CSMD3: variants seen among roughly 807,000 people sequenced by gnomAD.
The protein encoded by CSMD3 is CUB and sushi domain-containing protein 3.
In CSMD3, 177 loss-of-function variants were observed where a neutral mutation model predicts 435.2. The observed-to-expected ratio is 0.41, with a 90% confidence interval of 0.36 to 0.46. The LOEUF (loss-of-function observed/expected upper bound fraction) is 0.46. Among genes scored for constraint, CSMD3 ranks in the 20% least tolerant of loss-of-function variants. CSMD3 has a pLI of 0.34. For missense variants in CSMD3, 4,265 were observed against 4,504.6 expected (o/e 0.95, Z 1.52); for synonymous variants, 1,656 against 1,520.5 (o/e 1.09, Z -2.07).
At chr8:112,706,804 T>C (rs2076507665) in intron 13 of CSMD3, among the ~76,000 whole-genome samples, 1 of 152,118 alleles carries the variant, frequency 6.6e-6, no homozygotes, top group African/African-American at 2.4e-5. Context: ...CTAAACTTGA[T>C]ATACAGTCAA....
intron 6 of CSMD3, among the ~76,000 whole-genome samples, chr8:112,989,453 A>G (rs2085370760): frequency 6.6e-6 from 1 of 152,062 alleles, no homozygotes; most frequent in Admixed American, 6.6e-5. Flanking sequence ...CATTCAATGA[A>G]TACTACATAC....
At chr8:113,043,823 A>G (rs2087722530) in intron 5 of CSMD3, among the ~76,000 whole-genome samples, 1 of 152,098 alleles carries the variant, frequency 6.6e-6, no homozygotes, top group Non-Finnish European at 1.5e-5. Flanking sequence ...GGAAAAAAAA[A>G]TGAAGAACTC....
At chr8:112,833,882 CA>C (rs1313854652) in intron 11 of CSMD3, among the ~76,000 whole-genome samples, 2 of 151,962 alleles carry the variant, frequency 1.3e-5, no homozygotes, top group African/African-American at 4.8e-5. Context: ...TTCATCACCC[CA>C]ACCTATTTCA....
intron 1 of CSMD3, among the ~76,000 whole-genome samples, chr8:113,333,461 A>C (rs1024054689): frequency 6.6e-6 from 1 of 151,876 alleles, no homozygotes; most frequent in African/African-American, 2.4e-5. Flanking sequence ...ATTATGTATC[A>C]GACTTAGGTC....
At chr8:113,037,118 C>T (rs1238828476) in intron 5 of CSMD3, among the ~76,000 whole-genome samples, 3 of 151,974 alleles carry the variant, frequency 2.0e-5, no homozygotes, top group East Asian at 1.9e-4. Flanking sequence ...GCAAATATTG[C>T]TATTTTATTG....
intron 11 of CSMD3, among the ~76,000 whole-genome samples, chr8:112,852,685 G>C (rs1256006549): frequency 6.6e-6 from 1 of 152,036 alleles, no homozygotes; most frequent in Non-Finnish European, 1.5e-5. Flanking sequence ...CACTTTGGGA[G>C]GCCGAGGTGG....
At chr8:112,717,032 C>T (rs1233914989) in intron 13 of CSMD3, among the ~76,000 whole-genome samples, 1 of 152,028 alleles carries the variant, frequency 6.6e-6, no homozygotes, top group African/African-American at 2.4e-5. Flanking sequence ...GATGAAAATA[C>T]CAAAAGCAAT....
intron 20 of CSMD3, among the ~76,000 whole-genome samples, chr8:112,642,653 T>C (rs2074864652): frequency 6.6e-6 from 1 of 152,232 alleles, no homozygotes; most frequent in East Asian, 1.9e-4. Flanking sequence ...AATGATCTCA[T>C]AGGAACTCTG....
At chr8:112,653,515 G>A (rs1046459547) in intron 18 of CSMD3, among the ~76,000 whole-genome samples, 1 of 151,898 alleles carries the variant, frequency 6.6e-6, no homozygotes, top group Non-Finnish European at 1.5e-5. Context: ...CTTAATTATA[G>A]TCATATTTCA....
At chr8:112,778,225 C>G (rs1443340820) in intron 13 of CSMD3, among the ~76,000 whole-genome samples, 1 of 151,846 alleles carries the variant, frequency 6.6e-6, no homozygotes, top group Non-Finnish European at 1.5e-5. Context: ...ATCATTATCA[C>G]CCAAAGTCCG....
At chr8:113,334,118 A>T (rs1027618321) in intron 1 of CSMD3, among the ~76,000 whole-genome samples, 1 of 151,878 alleles carries the variant, frequency 6.6e-6, no homozygotes, top group Non-Finnish European at 1.5e-5. Flanking sequence ...TTGTATCTGT[A>T]ACCCAGTTGA....
intron 13 of CSMD3, among the ~76,000 whole-genome samples, chr8:112,769,700 G>T (rs7823827): frequency 0.34 from 51,151 of 151,662 alleles, 9,588 homozygotes; most frequent in African/African-American, 0.51. Flanking sequence ...TATTTTGGTT[G>T]TCTTGTAATG....
At chr8:112,582,831 T>A (rs771568041) in intron 23 of CSMD3, among the ~76,000 whole-genome samples, 1 of 151,952 alleles carries the variant, frequency 6.6e-6, no homozygotes, top group Non-Finnish European at 1.5e-5. Flanking sequence ...TTGTAAAAGA[T>A]ACCTCAAAAA....
chr8:112,393,474 A>G (rs1253200077), intron 35 of CSMD3, among the ~76,000 whole-genome samples: 1 of 152,200 alleles, frequency 6.6e-6, no homozygotes, highest in Non-Finnish European at 1.5e-5. Flanking sequence ...GTACAATTTT[A>G]TCATACTATG....
intron 13 of CSMD3, among the ~76,000 whole-genome samples, chr8:112,772,942 C>G (rs2078157534): frequency 6.6e-6 from 1 of 152,042 alleles, no homozygotes; most frequent in Non-Finnish European, 1.5e-5. Flanking sequence ...ACATCCCCCT[C>G]TCCTGGAAAC....
chr8:112,445,521 T>G (rs759347811), intron 32 of CSMD3, among the ~76,000 whole-genome samples: 4 of 152,052 alleles, frequency 2.6e-5, no homozygotes, highest in Non-Finnish European at 4.4e-5. Flanking sequence ...AGGTGCCACA[T>G]TCTTTTAGAC....
intron 12 of CSMD3, among the ~76,000 whole-genome samples, chr8:112,808,655 C>A (rs1457572269): frequency 6.6e-6 from 1 of 152,174 alleles, no homozygotes; most frequent in Non-Finnish European, 1.5e-5. Flanking sequence ...AAAGCCCCTG[C>A]ACCTGGAACT....
At chr8:112,325,095 A>G (rs1823364719) in intron 45 of CSMD3, among the ~76,000 whole-genome samples, 1 of 152,144 alleles carries the variant, frequency 6.6e-6, no homozygotes, top group Non-Finnish European at 1.5e-5. Flanking sequence ...AAATTCAAGT[A>G]CCACTGATAG....
chr8:113,161,653 T>A (rs1349417847), intron 4 of CSMD3, among the ~76,000 whole-genome samples: 1 of 152,086 alleles, frequency 6.6e-6, no homozygotes, highest in South Asian at 2.1e-4. Flanking sequence ...CGGAACAGTA[T>A]TTGCCATTAT....
Sources: allele counts gnomAD v4.1 joint callset (sites outside exome capture counted in the v4.1 genomes callset), GRCh38; gene constraint gnomAD v4.1.1; transcripts MANE v1.5; gene names NCBI Gene and HGNC (gene_info 2026-07-23, HGNC 2026-07-21).